HECW2: variants seen among roughly 807,000 people sequenced by gnomAD.
HECW2 encodes the protein E3 ubiquitin-protein ligase HECW2.
A neutral mutation model predicts 175.2 loss-of-function variants in HECW2; 61 were observed. That is an observed-to-expected ratio of 0.35 (90% CI 0.28 to 0.43). HECW2 has a LOEUF of 0.43. Ranked by LOEUF, HECW2 falls within the 20% of genes least tolerant of loss-of-function variation. The probability of loss-of-function intolerance (pLI) is 1.00; values close to 1 mark genes in which losing one functional copy is unlikely to be tolerated. For synonymous variants in HECW2, 671 were observed against 731.0 expected (o/e 0.92, Z 1.32); for missense variants, 1,524 against 2,000.5 (o/e 0.76, Z 4.54).
intron 28 of HECW2, among the ~76,000 whole-genome samples, chr2:196,212,337 C>T (rs1418084192): frequency 6.6e-6 from 1 of 152,040 alleles, no homozygotes; most frequent in African/African-American, 2.4e-5. Flanking sequence ...TTTCCTGATC[C>T]TTTCCCTCCT....
intron 1 of HECW2, among the ~76,000 whole-genome samples, chr2:196,507,474 C>A (rs1320108852): frequency 6.6e-6 from 1 of 152,192 alleles, no homozygotes; most frequent in Non-Finnish European, 1.5e-5. Context: ...GGGGTCGCTG[C>A]TACTAGCATA....
Position 196,410,341 on chromosome 2 carries a change from C to T in HECW2, c.292+22791G>A, listed in dbSNP as rs546615154. ...TGACAAGAACAATATCTAGCAGGAT[C>T]TATTTGTAAGTGTGTTGGAGCCAGA... On this transcript the variant is annotated intron_variant, in intron 2 of 28. Transcript: ENST00000644978. 2.0e-5 allele frequency among the ~76,000 whole-genome samples: 3 copies of T among 152,304 alleles called. 1 individual carries two copies. In the South Asian group the frequency reaches 6.2e-4, roughly 32 times the overall value.
intron 1 of HECW2, among the ~76,000 whole-genome samples, chr2:196,491,019 C>T (rs1687167250): frequency 1.3e-5 from 2 of 152,116 alleles, no homozygotes; most frequent in South Asian, 4.1e-4. Flanking sequence ...TGCTCTAAAA[C>T]TGGATTTTAG....
chr2:196,222,438 A>C (rs3816517), intron 23 of HECW2, 98 bp from the exon 24 acceptor site: 298,607 of 1,133,198 alleles, frequency 0.26, 41,899 homozygotes, highest in East Asian at 0.43. Flanking sequence ...GAGAAGAATA[A>C]GAGCCACTAC....
At chr2:196,209,463 C>G (rs997005144) in intron 28 of HECW2, among the ~76,000 whole-genome samples, 1 of 152,082 alleles carries the variant, frequency 6.6e-6, no homozygotes, top group African/African-American at 2.4e-5. Flanking sequence ...TTAGTACATG[C>G]AGATTCAATG....
intron 2 of HECW2, among the ~76,000 whole-genome samples, chr2:196,354,061 C>T (rs2105861739): frequency 6.6e-6 from 1 of 152,268 alleles, no homozygotes; most frequent in African/African-American, 2.4e-5. Flanking sequence ...AATACTGTGG[C>T]CCTTTGCCCT....
At chr2:196,329,757 G>T in intron 4 of HECW2, 107 bp from the exon 5 acceptor site, 1 of 843,794 alleles carries the variant, frequency 1.2e-6, no homozygotes. Flanking sequence ...GCATCAAACG[G>T]GTATTGTATC....
At chr2:196,264,522 T>A (rs2105942988) in intron 17 of HECW2, among the ~76,000 whole-genome samples, 1 of 152,352 alleles carries the variant, frequency 6.6e-6, no homozygotes, top group East Asian at 1.9e-4. Flanking sequence ...GATGAATGCA[T>A]GTATAATTTG....
chr2:196,230,931 G>A (rs911353498), intron 21 of HECW2, among the ~76,000 whole-genome samples: 2 of 151,742 alleles, frequency 1.3e-5, no homozygotes, highest in African/African-American at 2.4e-5. Context: ...GTGAAACCCC[G>A]TCTCTACTAA....
At chr2:196,227,761 G>A (rs1347394576) in intron 22 of HECW2, among the ~76,000 whole-genome samples, 6 of 152,140 alleles carry the variant, frequency 3.9e-5, no homozygotes, top group African/African-American at 1.4e-4. Context: ...TCAGCTTAGA[G>A]CTCATAGGCA....
chr2:196,275,627 C>T (rs1689923456), intron 15 of HECW2, among the ~76,000 whole-genome samples: 2 of 152,114 alleles, frequency 1.3e-5, no homozygotes, highest in East Asian at 1.9e-4. Flanking sequence ...TGGCAGGTGC[C>T]TGTAGTCCCA....
chr2:196,254,844 T>C (rs1158598153), intron 18 of HECW2, among the ~76,000 whole-genome samples: 6 of 152,262 alleles, frequency 3.9e-5, no homozygotes, highest in Non-Finnish European at 8.8e-5. Flanking sequence ...CTTACATTAC[T>C]AGCATCTTTC....
chr2:196,390,953 T>C (rs1336055524), intron 2 of HECW2, among the ~76,000 whole-genome samples: 1 of 152,134 alleles, frequency 6.6e-6, no homozygotes, highest in African/African-American at 2.4e-5. Context: ...CTCATTGGCA[T>C]TGGCTGGTTA....
chr2:196,474,303 A>C (rs1211189478), intron 1 of HECW2, among the ~76,000 whole-genome samples: 1 of 152,234 alleles, frequency 6.6e-6, no homozygotes, highest in Admixed American at 6.5e-5. Flanking sequence ...ACCACTTATC[A>C]ATTTAACAAT....
intron 18 of HECW2, among the ~76,000 whole-genome samples, chr2:196,257,132 C>T (rs570773835): frequency 6.6e-6 from 1 of 152,206 alleles, no homozygotes. Flanking sequence ...GTCCCAACCA[C>T]TGGGTAGAGC....
At chr2:196,588,043 T>C (rs1283961003) in intron 1 of HECW2, among the ~76,000 whole-genome samples, 4 of 152,200 alleles carry the variant, frequency 2.6e-5, no homozygotes, top group Non-Finnish European at 5.9e-5. Context: ...AACTCTTTGC[T>C]TAAGGTCTCT....
intron 26 of HECW2, 109 bp downstream of exon 26, chr2:196,219,930 T>C: frequency 2.9e-6 from 2 of 701,696 alleles, no homozygotes; most frequent in South Asian, 3.3e-5. Context: ...ATCAGACCTA[T>C]GATTAGAGTC....
At chr2:196,520,439 G>A (rs1299681717) in intron 1 of HECW2, among the ~76,000 whole-genome samples, 1 of 152,202 alleles carries the variant, frequency 6.6e-6, no homozygotes, top group East Asian at 1.9e-4. Context: ...ATTGCCGCAG[G>A]AAAAACTATC....
At chr2:196,564,697 T>A (rs967775175) in intron 1 of HECW2, among the ~76,000 whole-genome samples, 2 of 152,074 alleles carry the variant, frequency 1.3e-5, no homozygotes, top group Non-Finnish European at 2.9e-5. Flanking sequence ...CACTACTGTT[T>A]TTTCTTATTC....
Sources: allele counts gnomAD v4.1 joint callset (sites outside exome capture counted in the v4.1 genomes callset), GRCh38; gene constraint gnomAD v4.1.1; transcripts MANE v1.5; gene names NCBI Gene and HGNC (gene_info 2026-07-23, HGNC 2026-07-21).